The following RANBP2 variants were observed in gnomAD, a reference collection of about 807,000 sequenced individuals.
RANBP2 encodes the protein E3 SUMO-protein ligase RanBP2.
A neutral mutation model predicts 303.6 loss-of-function variants in RANBP2; 57 were observed. The observed-to-expected ratio is 0.19, with a 90% CI of 0.15 to 0.23. RANBP2 has a LOEUF of 0.23. Ranked by LOEUF, RANBP2 falls within the 10% of genes least tolerant of loss-of-function variation. The probability of loss-of-function intolerance (pLI) is 1.00; values close to 1 mark genes in which losing one functional copy is unlikely to be tolerated. For missense variants in RANBP2, 3,138 were observed against 3,780.8 expected (o/e 0.83, Z 4.46); for synonymous variants, 1,167 against 1,301.5 (o/e 0.90, Z 2.23).
chr2:109,194,875 T>C, the RANBP2 span, among the ~76,000 whole-genome samples: 1 of 151,832 alleles, frequency 6.6e-6, no homozygotes. Context: ...TGCTACAAAC[T>C]CAGTTTTTAA....
At chr2:109,564,466 G>T in the RANBP2 span, 16 of 1,591,454 alleles carry the variant, frequency 1.0e-5, no homozygotes, top group Admixed American at 5.1e-5. Context: ...TGCTCTCGCA[G>T]GTCCTCCATA....
chr2:109,283,064 G>A, the RANBP2 span, among the ~76,000 whole-genome samples: 1 of 152,234 alleles, frequency 6.6e-6, no homozygotes, highest in Admixed American at 6.5e-5. Context: ...GTAAGTCCAG[G>A]CTTGGCCAGG....
chr2:109,541,910 T>C, the RANBP2 span, among the ~76,000 whole-genome samples: 12 of 152,146 alleles, frequency 7.9e-5, no homozygotes, highest in Non-Finnish European at 1.2e-4. Context: ...CCTGGCCCAA[T>C]AGGAACACGG....
At chr2:108,845,633 G>C in the RANBP2 span, among the ~76,000 whole-genome samples, 1 of 147,796 alleles carries the variant, frequency 6.8e-6, no homozygotes, top group South Asian at 2.1e-4. Flanking sequence ...GTGCAGTGGT[G>C]CGACCTCGGC....
chr2:108,737,339 T>C lies in RANBP2; in HGVS notation c.782+1090T>C, dbSNP rs559106371. Among the ~76,000 whole-genome samples, 210 of 129,872 alleles carry C rather than the reference T, an allele frequency of 1.6e-3. 1 individual carries two copies. The highest frequency in any genetic ancestry group is 7.3e-3 in the African/African-American group (194 of 26,672). The allele number at this position is 129,872 out of a possible 152,430, so 85.2% of individuals were successfully genotyped here. A position where few individuals can be genotyped will look rare whatever the true frequency, so the allele number is the denominator to read the frequency against. ...CCTTTTTTTCTTTCTTTCTTTCTTT[T>C]TTTTTTTTTTGTTTTTTTGAGATGG... On this transcript the variant is annotated intron_variant, in intron 6 of 28. Coordinates refer to ENST00000283195, the MANE Select transcript of RANBP2 (RefSeq NM_006267.5).
At chr2:109,753,594 T>TA in the RANBP2 span, among the ~76,000 whole-genome samples, 2 of 72,912 alleles carry the variant, frequency 2.7e-5, 1 homozygote, top group South Asian at 1.1e-3. Flanking sequence ...TTTTTTCCTA[T>TA]AGAGTTGTTT....
chr2:109,507,033 C>T, the RANBP2 span, among the ~76,000 whole-genome samples: 1 of 152,196 alleles, frequency 6.6e-6, no homozygotes, highest in African/African-American at 2.4e-5. Context: ...GTCTTGGGGG[C>T]TGGAGGCTAC....
chr2:108,797,898 A>G, the RANBP2 span, among the ~76,000 whole-genome samples: 5 of 152,000 alleles, frequency 3.3e-5, no homozygotes, highest in African/African-American at 1.2e-4. Flanking sequence ...TTTGGACTGC[A>G]TTGAGAATCT....
At chr2:109,633,277 C>T in the RANBP2 span, among the ~76,000 whole-genome samples, 5 of 151,928 alleles carry the variant, frequency 3.3e-5, no homozygotes, top group African/African-American at 1.2e-4. Context: ...CCTGTAGTCC[C>T]AGCTACTCGG....
chr2:108,857,506 C>T, the RANBP2 span, among the ~76,000 whole-genome samples: 3,030 of 152,298 alleles, frequency 0.02, 97 homozygotes, highest in African/African-American at 0.069. Flanking sequence ...AGCCACATCT[C>T]TGACTCTAGA....
chr2:109,033,219 C>T, the RANBP2 span, among the ~76,000 whole-genome samples: 133 of 152,292 alleles, frequency 8.7e-4, no homozygotes, highest in Non-Finnish European at 1.7e-3. Flanking sequence ...TTTAATTTTG[C>T]ATTCAGCCTC....
At chr2:109,300,876 A>G in the RANBP2 span, among the ~76,000 whole-genome samples, 1,305 of 152,278 alleles carry the variant, frequency 8.6e-3, 18 homozygotes, top group East Asian at 0.047. Flanking sequence ...AAGCAAGCAG[A>G]GTGCCCTCTC....
chr2:108,983,891 G>A, the RANBP2 span, among the ~76,000 whole-genome samples: 78 of 152,294 alleles, frequency 5.1e-4, 1 homozygote, highest in Non-Finnish European at 6.5e-4. Flanking sequence ...TCTCACACCC[G>A]ATGCTGGAAG....
At chr2:109,285,322 G>A in the RANBP2 span, among the ~76,000 whole-genome samples, 2 of 152,206 alleles carry the variant, frequency 1.3e-5, no homozygotes, top group Non-Finnish European at 2.9e-5. Context: ...TGAAATACAG[G>A]TGTTCATGGT....
At chr2:109,327,713 G>A in the RANBP2 span, among the ~76,000 whole-genome samples, 1 of 152,272 alleles carries the variant, frequency 6.6e-6, no homozygotes, top group East Asian at 1.9e-4. Context: ...TTTCTACCTA[G>A]TACCACTTAA....
chr2:109,004,557 G>C, the RANBP2 span, among the ~76,000 whole-genome samples: 3 of 152,192 alleles, frequency 2.0e-5, no homozygotes, highest in Non-Finnish European at 2.9e-5. Context: ...TTTGGGAACA[G>C]AGTTGGGGGC....
chr2:109,452,974 C>T, the RANBP2 span, among the ~76,000 whole-genome samples: 8 of 150,650 alleles, frequency 5.3e-5, no homozygotes, highest in South Asian at 1.7e-3. Flanking sequence ...AGGCTGGTCC[C>T]TGGGAGGCTA....
At chr2:108,905,344 G>A in the RANBP2 span, among the ~76,000 whole-genome samples, 4 of 152,196 alleles carry the variant, frequency 2.6e-5, no homozygotes, top group African/African-American at 2.4e-5. Flanking sequence ...ACAGCCCCAG[G>A]CCATGCCAGG....
the RANBP2 span, among the ~76,000 whole-genome samples, chr2:108,917,021 G>A: frequency 8.5e-5 from 13 of 152,200 alleles, no homozygotes; most frequent in African/African-American, 2.7e-4. Flanking sequence ...CCCTGCGCTC[G>A]GAGCTCGGCA....
Sources: allele counts gnomAD v4.1 joint callset (sites outside exome capture counted in the v4.1 genomes callset), GRCh38; gene constraint gnomAD v4.1.1; transcripts MANE v1.5; gene names NCBI Gene and HGNC (gene_info 2026-07-23, HGNC 2026-07-21).